Variants in DNAH12 observed in about 807,000 individuals in gnomAD.
The protein encoded by DNAH12 is axonemal beta dynein heavy chain 12.
In DNAH12, 285 loss-of-function variants were observed where a neutral mutation model predicts 371.5. That is an observed-to-expected ratio of 0.77 (90% confidence interval 0.70 to 0.85). DNAH12 has a LOEUF of 0.85. Ranked by LOEUF, DNAH12 falls within the 40% of genes least tolerant of loss-of-function variation. The pLI, the probability that DNAH12 is intolerant of heterozygous loss-of-function variation, is 0.00. For missense variants in DNAH12, 3,611 were observed against 3,689.4 expected, an observed-to-expected ratio of 0.98 and a Z score of 0.55; for synonymous variants, 1,200 against 1,213.0, an observed-to-expected ratio of 0.99 and a Z score of 0.22.
intron 60 of DNAH12, among the ~76,000 whole-genome samples, chr3:57,339,403 A>G (rs2062336126): frequency 6.6e-6 from 1 of 151,566 alleles, no homozygotes; most frequent in African/African-American, 2.4e-5. Flanking sequence ...AAAAGAAAGA[A>G]AGTTGATCTC....
At chr3:57,302,551 A>ATGGTTTT (rs1559535279) in intron 69 of DNAH12, among the ~76,000 whole-genome samples, 1 of 88,268 alleles carries the variant, frequency 1.1e-5, no homozygotes, top group African/African-American at 4.1e-5. Flanking sequence ...ATATATATAT[A>ATGGTTTT]TATATATATA....
chr3:57,441,958 T>C (rs950176461), intron 29 of DNAH12, among the ~76,000 whole-genome samples: 1 of 151,676 alleles, frequency 6.6e-6, no homozygotes. Flanking sequence ...CAGAGGAGTA[T>C]AAATAAGAAA....
chr3:57,319,731 C>T (rs2061763467), intron 65 of DNAH12, among the ~76,000 whole-genome samples: 1 of 149,860 alleles, frequency 6.7e-6, no homozygotes, highest in Admixed American at 6.8e-5. Flanking sequence ...CACATGCCAC[C>T]ACACCTTGCT....
At chr3:57,461,410 T>G (rs2066049896) in intron 19 of DNAH12, 79 bp downstream of exon 19, 3 of 1,359,468 alleles carry the variant, frequency 2.2e-6, no homozygotes, top group Non-Finnish European at 2.0e-6. Context: ...AATAAGCTAC[T>G]TATTACCATG....
In DNAH12 at chr3:57,433,746, G is replaced by A. The variant is rs1188719718; in HGVS notation, c.4738C>T (p.His1580Tyr). 1.3e-6 allele frequency: 2 copies of A among 1,551,238 alleles called. No individual in the cohort carries two copies. The highest frequency in any genetic ancestry group is 2.4e-5 in the East Asian group (1 of 40,914). ...LADTLTLMNE[H>Y]GYGEEEKVIY... ...ACCTTTTCTTCCTCTCCATAGCCAT[G>A]TTCATTCATTAAAGTTAGCGTATCC... Residue 1580 changes from histidine to tyrosine, a missense_variant, in exon 31 of 74, where the codon CAT (histidine) becomes TAT (tyrosine). By Grantham distance (83) the His-to-Tyr change is moderately conservative (BLOSUM62 2). Around this residue, in one of 3 missense-constraint regions of DNAH12, gnomAD observed 2,266 missense variants for 2,236.9 expected, o/e 1.01. Transcript: ENST00000495027.
intron 2 of DNAH12, among the ~76,000 whole-genome samples, chr3:57,536,854 A>C (rs940004364): frequency 1.5e-4 from 15 of 99,262 alleles, no homozygotes; most frequent in African/African-American, 4.4e-4. Context: ...TATAAATAAA[A>C]AGAGCTGGGA....
chr3:57,360,860 A>G (rs950716191), intron 58 of DNAH12, among the ~76,000 whole-genome samples: 4 of 152,042 alleles, frequency 2.6e-5, no homozygotes, highest in Non-Finnish European at 5.9e-5. Context: ...GTCAAGGAAA[A>G]CCAAAAGGCC....
In DNAH12 at chr3:57,507,811, T is replaced by C. The variant is rs762470082; in HGVS notation, c.729A>G (p.Ser243=). 6.3e-6 allele frequency: 10 copies of C among 1,587,774 alleles called. No homozygotes were observed. Among genetic ancestry groups the C allele is most frequent in the Non-Finnish European group, 6.8e-6 (8 of 1,174,622 alleles). The change falls in exon 8 of 74, where the codon TCA becomes TCG. Residue 243 remains serine (S), a synonymous_variant. Coordinates refer to ENST00000495027, the MANE Select transcript of DNAH12 (RefSeq NM_001366028.2). The part of the protein sequence containing the change: ...IRAKGPIDCE[S]LKTDLSIQTR... ...TTTGTATTGATAGATCAGTTTTCAG[T>C]GATTCACAGTCAATTGGACCTTTAG...
At chr3:57,307,821 C>T (rs1285222521) in intron 69 of DNAH12, among the ~76,000 whole-genome samples, 1 of 152,122 alleles carries the variant, frequency 6.6e-6, no homozygotes, top group African/African-American at 2.4e-5. Flanking sequence ...CCCATATTTC[C>T]TTCTTTCCTG....
At chr3:57,473,043 A>T (rs35544981) in intron 13 of DNAH12, among the ~76,000 whole-genome samples, 101,106 of 151,458 alleles carry the variant, frequency 0.67, 33,965 homozygotes, top group South Asian at 0.75. Context: ...TCTTATAAAT[A>T]TTTTATTTTT....
rs752550508 is a variant in DNAH12 at position 57,510,782 on chromosome 3, C to T, written c.469+8G>A. ...AAAGAAGCCTGGTGTGTGTTAGATG[C>T]TACTTACCCAAATATCTCTTCATGC... On this transcript the variant is annotated splice_region_variant and intron_variant, in intron 5 of 73. Coordinates refer to ENST00000495027, the MANE Select transcript of DNAH12 (RefSeq NM_001366028.2). The T allele has an allele frequency of 5.6e-6, 9 of 1,612,962 alleles. No individual in the cohort carries two copies. The highest frequency in any genetic ancestry group is 7.6e-6 in the Non-Finnish European group (9 of 1,179,750).
At chr3:57,348,604 C>T (rs1033077821) in intron 60 of DNAH12, among the ~76,000 whole-genome samples, 1 of 152,104 alleles carries the variant, frequency 6.6e-6, no homozygotes, top group Non-Finnish European at 1.5e-5. Context: ...AAATCTCTAT[C>T]TTCTGCTCAG....
intron 59 of DNAH12, among the ~76,000 whole-genome samples, chr3:57,356,060 G>C (rs2062789982): frequency 6.6e-6 from 1 of 152,164 alleles, no homozygotes; most frequent in African/African-American, 2.4e-5. Context: ...GTATGTGGCA[G>C]AACTGAGGTG....
intron 2 of DNAH12, among the ~76,000 whole-genome samples, chr3:57,531,486 G>C (rs575900340): frequency 1.3e-5 from 2 of 152,074 alleles, no homozygotes; most frequent in Non-Finnish European, 2.9e-5. Context: ...GAGGGGCCAG[G>C]CGTGGTGGCT....
At chr3:57,388,487 A>G (rs1346617917) in intron 45 of DNAH12, among the ~76,000 whole-genome samples, 1 of 152,028 alleles carries the variant, frequency 6.6e-6, no homozygotes, top group Non-Finnish European at 1.5e-5. Flanking sequence ...CTAAGCACAT[A>G]CTGCCAGTGT....
At chr3:57,486,398 T>C (rs1384441187) in intron 12 of DNAH12, among the ~76,000 whole-genome samples, 3 of 151,082 alleles carry the variant, frequency 2.0e-5, no homozygotes, top group Non-Finnish European at 1.5e-5. Context: ...GGCAAAACCA[T>C]GTCTCTATTA....
At chr3:57,445,925 T>G in intron 27 of DNAH12, 106 bp downstream of exon 27, 1 of 1,080,808 alleles carries the variant, frequency 9.3e-7, no homozygotes, top group Non-Finnish European at 1.2e-6. Flanking sequence ...GAGGTGGAGG[T>G]TGCAGTGAGC....
At chr3:57,394,893 A>C (rs1202107481) in intron 43 of DNAH12, among the ~76,000 whole-genome samples, 9 of 152,204 alleles carry the variant, frequency 5.9e-5, no homozygotes, top group African/African-American at 2.2e-4. Flanking sequence ...CCAAATTCCT[A>C]ATATAAGATA....
intron 62 of DNAH12, among the ~76,000 whole-genome samples, chr3:57,325,551 C>G (rs1198083592): frequency 5.3e-5 from 8 of 152,160 alleles, no homozygotes. Flanking sequence ...AAAGGACATC[C>G]ACACCAAAAA....
Sources: allele counts gnomAD v4.1 joint callset (sites outside exome capture counted in the v4.1 genomes callset), GRCh38; gene constraint gnomAD v4.1.1; regional missense constraint gnomAD v4.1.1; transcripts MANE v1.5; gene names NCBI Gene and HGNC (gene_info 2026-07-23, HGNC 2026-07-21).